Variants in SOX6 observed in about 807,000 individuals in gnomAD.
SOX6 encodes transcription factor SOX-6.
Under a neutral mutation model 97.8 loss-of-function variants are expected in SOX6, and 11 were observed. The ratio of observed to expected loss-of-function variants is 0.11; its 90% CI spans 0.07 to 0.19. The LOEUF is 0.19. Ranked by LOEUF, SOX6 falls within the 10% of genes least tolerant of loss-of-function variation. SOX6 has a pLI of 1.00. For synonymous variants in SOX6, 360 were observed against 371.4 expected (o/e 0.97, Z 0.35); for missense variants, 810 against 1,039.5 (o/e 0.78, Z 3.04).
intron 6 of SOX6, among the ~76,000 whole-genome samples, chr11:16,124,544 G>A (rs985496520): frequency 1.3e-5 from 2 of 151,974 alleles, no homozygotes; most frequent in African/African-American, 4.8e-5. Context: ...ATCACACAGG[G>A]TTAAACGACC....
chr11:16,037,993 T>C (rs1419387211), intron 12 of SOX6, among the ~76,000 whole-genome samples: 1 of 152,088 alleles, frequency 6.6e-6, no homozygotes, highest in African/African-American at 2.4e-5. Flanking sequence ...ATCTGAGAGG[T>C]CAACCAATTT....
intron 3 of SOX6, among the ~76,000 whole-genome samples, chr11:16,295,066 T>C (rs1307994457): frequency 6.6e-6 from 1 of 152,090 alleles, no homozygotes; most frequent in African/African-American, 2.4e-5. Flanking sequence ...ATAAAAGGTG[T>C]GAATAATACT....
intron 3 of SOX6, among the ~76,000 whole-genome samples, chr11:16,287,934 AT>A (rs2134253535): frequency 6.6e-6 from 1 of 152,252 alleles, no homozygotes; most frequent in African/African-American, 2.4e-5. Context: ...TTTAAAGTAT[AT>A]TTAAGCTCAC....
At chr11:16,457,131 T>C (rs1859825055) in intron 1 of SOX6, among the ~76,000 whole-genome samples, 1 of 152,100 alleles carries the variant, frequency 6.6e-6, no homozygotes, top group South Asian at 2.1e-4. Flanking sequence ...TGCCTATAAA[T>C]AGAAGCATTC....
intron 13 of SOX6, among the ~76,000 whole-genome samples, chr11:16,009,112 G>A (rs1010166926): frequency 1.3e-5 from 2 of 151,874 alleles, no homozygotes; most frequent in African/African-American, 2.4e-5. Flanking sequence ...ATCTTTTTAC[G>A]TGTATAATTT....
In SOX6 at chr11:16,000,909, T is replaced by C. The variant is rs534965704; in HGVS notation, c.1733-11679A>G. On this transcript the variant is annotated intron_variant, in intron 13 of 15. Transcript: ENST00000683767. Reference sequence around the variant, plus strand: ...TCTCACTCTGTCACCCAGGCTGGAGTGCAGTGGGGTGATCCTGGCTTACTG... The same window carrying C: ...TCTCACTCTGTCACCCAGGCTGGAGCGCAGTGGGGTGATCCTGGCTTACTG... Among the ~76,000 whole-genome samples the C allele has an allele frequency of 3.9e-5, 6 of 152,214 alleles. No individual in the cohort carries two copies. The East Asian group carries it at 1.2e-3, about 29-fold the overall frequency.
At chr11:16,434,699 G>A (rs1177414198) in intron 1 of SOX6, among the ~76,000 whole-genome samples, 1 of 152,044 alleles carries the variant, frequency 6.6e-6, no homozygotes, top group Non-Finnish European at 1.5e-5. Flanking sequence ...AGAATACGTT[G>A]TTCATAAGTA....
chr11:16,407,055 G>T (rs1457465952), intron 1 of SOX6, among the ~76,000 whole-genome samples: 1 of 151,952 alleles, frequency 6.6e-6, no homozygotes, highest in African/African-American at 2.4e-5. Flanking sequence ...CCTTAATAAG[G>T]TTTCAAAACT....
At chr11:15,988,203 G>C (rs1300115414) in intron 14 of SOX6, among the ~76,000 whole-genome samples, 1 of 152,152 alleles carries the variant, frequency 6.6e-6, no homozygotes, top group African/African-American at 2.4e-5. Context: ...TTTTTAAAGA[G>C]GAAACATGTT....
intron 4 of SOX6, among the ~76,000 whole-genome samples, chr11:16,502,462 A>AT (rs926700278): frequency 2.3e-4 from 22 of 95,732 alleles, no homozygotes; most frequent in African/African-American, 8.1e-4. Context: ...AAGTATAATA[A>AT]TAAAAAAAAT....
rs1455233177 is a variant in SOX6, at chr11:15,967,979, G to A, written c.*4830C>T. 7.7e-6 allele frequency: 1 copy of A among 130,544 alleles called. No homozygotes were observed. Among genetic ancestry groups the A allele is most frequent in the African/African-American group, 2.9e-5 (1 of 34,446 alleles). 8.1% of individuals were successfully genotyped at this position (130,544 alleles called of 1,614,324 possible). On this transcript the variant is annotated 3_prime_UTR_variant, in exon 16 of 16. Transcript: ENST00000683767. ...TTTTGGAAAGCAATCTGTCCCCAAA[G>A]GGAAAGATAGAATGGGGATGAAAAG...
At chr11:16,081,919 G>A (rs1021435463) in intron 9 of SOX6, among the ~76,000 whole-genome samples, 3 of 152,088 alleles carry the variant, frequency 2.0e-5, no homozygotes, top group Non-Finnish European at 4.4e-5. Flanking sequence ...CATACAAAAG[G>A]AGCATTCTTG....
intron 3 of SOX6, among the ~76,000 whole-genome samples, chr11:16,235,399 T>C (rs566809678): frequency 6.6e-6 from 1 of 152,212 alleles, no homozygotes; most frequent in African/African-American, 2.4e-5. Context: ...ATCCAAACTT[T>C]AGAATGTCTT....
chr11:15,973,260 G>T, intron 15 of SOX6, 148 bp from the exon 16 acceptor site: 2 of 808,766 alleles, frequency 2.5e-6, no homozygotes, highest in East Asian at 2.7e-5. Flanking sequence ...TGTGACAAAG[G>T]TGTTCCCTGG....
At chr11:16,586,525 A>G (rs532218282) in intron 4 of SOX6, among the ~76,000 whole-genome samples, 2 of 152,180 alleles carry the variant, frequency 1.3e-5, no homozygotes, top group African/African-American at 2.4e-5. Context: ...CCTGGGCAAG[A>G]CAGTGAGATC....
At chr11:16,389,283 A>G (rs1416741634) in intron 1 of SOX6, among the ~76,000 whole-genome samples, 1 of 152,042 alleles carries the variant, frequency 6.6e-6, no homozygotes, top group African/African-American at 2.4e-5. Context: ...GTCTTGCTAC[A>G]TTGCCCAGGT....
At chr11:16,474,667 T>G (rs1860203404) in intron 1 of SOX6, among the ~76,000 whole-genome samples, 1 of 152,204 alleles carries the variant, frequency 6.6e-6, no homozygotes, top group Admixed American at 6.5e-5. Context: ...TCACTCAGGC[T>G]TCCTTATTCC....
intron 4 of SOX6, among the ~76,000 whole-genome samples, chr11:16,188,244 A>AAAG (rs1851535688): frequency 6.6e-6 from 1 of 151,654 alleles, no homozygotes; most frequent in Admixed American, 6.6e-5. Context: ...AAAAAAAAAA[A>AAAG]AAGAAAAGCT....
intron 3 of SOX6, among the ~76,000 whole-genome samples, chr11:16,634,899 C>T (rs1362107510): frequency 6.6e-6 from 1 of 152,104 alleles, no homozygotes; most frequent in Non-Finnish European, 1.5e-5. Context: ...CTCACGAGTT[C>T]TGATGGTTTT....
Sources: gnomAD v4.1 joint callset for allele counts (sites outside exome capture counted in the v4.1 genomes callset) on GRCh38, gnomAD v4.1.1 for gene constraint, MANE v1.5 for transcripts, NCBI Gene and HGNC (gene_info 2026-07-23, HGNC 2026-07-21) for gene names.